The following SLC27A6 variants were observed in gnomAD, a reference collection of about 807,000 sequenced individuals.
SLC27A6 encodes solute carrier family 27 member 6.
Under a neutral mutation model 63.9 loss-of-function variants are expected in SLC27A6, and 74 were observed. The ratio of observed to expected loss-of-function variants is 1.16; its 90% CI spans 0.96 to 1.40. SLC27A6 has a LOEUF of 1.40. Among genes scored for constraint, SLC27A6 ranks in the 40% most tolerant of loss-of-function variants. SLC27A6 has a pLI of 0.00. For synonymous variants in SLC27A6, 287 were observed against 260.8 expected, an observed-to-expected ratio of 1.10 and a Z score of -0.97; for missense variants, 794 against 732.9, an observed-to-expected ratio of 1.08 and a Z score of -0.96.
intron 4 of SLC27A6, among the ~76,000 whole-genome samples, chr5:129,014,933 C>T (rs536970065): frequency 2.0e-5 from 3 of 152,174 alleles, no homozygotes; most frequent in South Asian, 2.1e-4. Flanking sequence ...CTTGAGAATT[C>T]GTAGATTAAA....
chr5:129,028,941 G>T (rs1201535824), intron 8 of SLC27A6, among the ~76,000 whole-genome samples: 2 of 151,936 alleles, frequency 1.3e-5, no homozygotes, highest in Admixed American at 6.6e-5. Context: ...TGACCAATTT[G>T]AAGTCATAAG....
Position 129,033,303 on chromosome 5 carries a change from T to C in SLC27A6, c.*21T>C. The C allele has an allele frequency of 6.9e-7, 1 of 1,441,404 alleles. No individual in the cohort carries two copies. Among genetic ancestry groups the C allele is most frequent in the Non-Finnish European group, 9.5e-7 (1 of 1,057,680 alleles). The allele number at this position is 1,441,404 out of a possible 1,614,324, so 89.3% of individuals were successfully genotyped here. ...TTTAAGATTTTTATATCTAGAACTT[T>C]CATATGCTTTCTTAGGAAGAGTGAG... is the stretch of plus-strand genomic sequence containing the variant. On this transcript the variant is annotated 3_prime_UTR_variant, in exon 10 of 10. Coordinates refer to ENST00000262462, the MANE Select transcript of SLC27A6 (RefSeq NM_001017372.3).
intron 9 of SLC27A6, among the ~76,000 whole-genome samples, chr5:129,030,434 G>A (rs549459717): frequency 1.3e-5 from 2 of 151,830 alleles, no homozygotes; most frequent in Non-Finnish European, 2.9e-5. Context: ...ACTCCTAGAG[G>A]AGCAATAACC....
intron 9 of SLC27A6, among the ~76,000 whole-genome samples, chr5:129,032,378 C>A (rs1477347209): frequency 6.6e-6 from 1 of 152,014 alleles, no homozygotes; most frequent in Non-Finnish European, 1.5e-5. Flanking sequence ...TTGGACTGGA[C>A]AGGGAGAGCC....
At chr5:129,005,665 T>C (rs1751497677) in intron 4 of SLC27A6, among the ~76,000 whole-genome samples, 1 of 131,948 alleles carries the variant, frequency 7.6e-6, no homozygotes, top group African/African-American at 3.0e-5. Context: ...CAGGCTGGAG[T>C]GCAGTGGCCT....
chr5:129,008,929 C>T (rs1211649454), intron 4 of SLC27A6, among the ~76,000 whole-genome samples: 1 of 141,682 alleles, frequency 7.1e-6, no homozygotes, highest in African/African-American at 2.7e-5. Flanking sequence ...TGCAGTGGTG[C>T]AATCTTGGCT....
intron 4 of SLC27A6, among the ~76,000 whole-genome samples, chr5:129,010,021 A>G (rs2150146862): frequency 6.6e-6 from 1 of 152,320 alleles, no homozygotes; most frequent in East Asian, 1.9e-4. Context: ...CGTGTTTTTA[A>G]TAAATCGTAT....
chr5:128,975,170 G>A (rs972284825), intron 1 of SLC27A6, among the ~76,000 whole-genome samples: 2 of 152,148 alleles, frequency 1.3e-5, no homozygotes, highest in South Asian at 2.1e-4. Flanking sequence ...GGCCAACATG[G>A]CAAAACCCCG....
Position 128,990,199 on chromosome 5 carries a change from T to G in SLC27A6, c.845-141T>G, listed in dbSNP as rs1750929722. ...TAAAAATTAGTGTTTCCAAATGAGT[T>G]TGATATAAATTATTGATGATGAGTT... is the stretch of plus-strand genomic sequence containing the variant. On this transcript the variant is annotated intron_variant, in intron 3 of 9. Transcript: ENST00000262462. 1.2e-5 allele frequency: 9 copies of G among 756,688 alleles called. No individual in the cohort carries two copies. The South Asian group carries it at 1.6e-4, about 14-fold the overall frequency. The allele number at this position is 756,688 out of a possible 1,614,324, so 46.9% of individuals were successfully genotyped here.
chr5:128,980,261 G>A (rs1040306467), intron 1 of SLC27A6, among the ~76,000 whole-genome samples: 1 of 152,176 alleles, frequency 6.6e-6, no homozygotes, highest in African/African-American at 2.4e-5. Flanking sequence ...TTCTGGGTCA[G>A]GCACCACAAT....
Position 128,985,273 on chromosome 5 carries a change from A to G in SLC27A6, c.622A>G (p.Ser208Gly), listed in dbSNP as rs1750749320. ...CTCACCTGATGAGCCCGTGCCACGC[A>G]GCCACCATGTTGTCTCACTCCTCAA... ...STSPDEPVPR[S>G]HHVVSLLKST... Residue 208 changes from serine (S) to glycine (G), a missense_variant, in exon 2 of 10, where the codon AGC (serine) becomes GGC (glycine). Transcript: ENST00000262462. The G allele has an allele frequency of 6.2e-7, 1 of 1,614,024 alleles. No individual in the cohort carries two copies. The highest frequency in any genetic ancestry group is 8.5e-7 in the Non-Finnish European group (1 of 1,180,026).
At chr5:128,995,575 G>A (rs1282081614) in intron 4 of SLC27A6, among the ~76,000 whole-genome samples, 1 of 152,146 alleles carries the variant, frequency 6.6e-6, no homozygotes, top group Non-Finnish European at 1.5e-5. Context: ...GTCAGGGATG[G>A]CTTCACAGAA....
At chr5:128,990,847 G>T (rs1023815790) in intron 4 of SLC27A6, among the ~76,000 whole-genome samples, 10 of 152,208 alleles carry the variant, frequency 6.6e-5, no homozygotes, top group African/African-American at 1.9e-4. Flanking sequence ...CCTCTAGCCC[G>T]ATTGGGAGCG....
chr5:128,994,595 G>C (rs550381624), intron 4 of SLC27A6, among the ~76,000 whole-genome samples: 3 of 152,264 alleles, frequency 2.0e-5, no homozygotes, highest in African/African-American at 7.2e-5. Context: ...ACATGGTCCA[G>C]GTCCTTACCT....
intron 1 of SLC27A6, among the ~76,000 whole-genome samples, chr5:128,972,000 A>T (rs1750185096): frequency 6.6e-6 from 1 of 152,072 alleles, no homozygotes; most frequent in African/African-American, 2.4e-5. Flanking sequence ...TGTAAAGGAT[A>T]TTATTTCTCC....
In SLC27A6 at chr5:129,033,548, G is replaced by A. The variant is rs574242248; in HGVS notation, c.*266G>A. The A allele has an allele frequency of 5.7e-6, 1 of 176,030 alleles. No homozygotes were observed. The highest frequency in any genetic ancestry group is 2.4e-5 in the African/African-American group (1 of 42,490). 10.9% of individuals were successfully genotyped at this position (176,030 alleles called of 1,614,324 possible). On this transcript the variant is annotated 3_prime_UTR_variant, in exon 10 of 10. Transcript: ENST00000262462. ...TACTAAAGATTTTAAATAATAAATA[G>A]TGGCTAGCGGTTTGGACAATCACTA... is the stretch of plus-strand genomic sequence containing the variant.
intron 4 of SLC27A6, among the ~76,000 whole-genome samples, chr5:128,998,393 T>C (rs1382052420): frequency 6.6e-6 from 1 of 151,506 alleles, no homozygotes; most frequent in African/African-American, 2.4e-5. Context: ...TAGAATGTAT[T>C]TATAAAATTA....
At chr5:128,978,364 A>G (rs1290632284) in intron 1 of SLC27A6, among the ~76,000 whole-genome samples, 2 of 152,204 alleles carry the variant, frequency 1.3e-5, no homozygotes, top group African/African-American at 4.8e-5. Context: ...TAAAAAAGTT[A>G]CTTAATAGTT....
Position 128,986,529 on chromosome 5 carries a change from C to CTATTCAGT in SLC27A6, c.685+1195_685+1202dup, listed in dbSNP as rs561420445. On this transcript the variant is annotated intron_variant, in intron 2 of 9. Coordinates refer to ENST00000262462, the MANE Select transcript of SLC27A6 (RefSeq NM_001017372.3). ...AAAATTTTTCTTACATTTTAAAAAT[C>CTATTCAGT]TATTCAGTTCCTAATTGTAATCCCT... Among the ~76,000 whole-genome samples, 49 of 152,216 alleles carry CTATTCAGT rather than the reference C, an allele frequency of 3.2e-4. No homozygotes were observed. The East Asian group carries it at 9.1e-3, about 28-fold the overall frequency.
Sources: allele counts gnomAD v4.1 joint callset (sites outside exome capture counted in the v4.1 genomes callset), GRCh38; gene constraint gnomAD v4.1.1; transcripts MANE v1.5; gene names NCBI Gene and HGNC (gene_info 2026-07-23, HGNC 2026-07-21).